HS6ST3: variants seen among roughly 807,000 people sequenced by gnomAD.
HS6ST3 encodes the protein heparan sulfate 6-O-sulfotransferase 3, also known as heparan-sulfate 6-O-sulfotransferase 3.
Under a neutral mutation model 36.7 loss-of-function variants are expected in HS6ST3, and 12 were observed. The ratio of observed to expected loss-of-function variants is 0.33; its 90% CI spans 0.21 to 0.53. HS6ST3 has a LOEUF of 0.53. Ranked by LOEUF, HS6ST3 falls within the 20% of genes least tolerant of loss-of-function variation. The probability of loss-of-function intolerance (pLI) is 0.95; values close to 1 mark genes in which losing one functional copy is unlikely to be tolerated. For missense variants in HS6ST3, 584 were observed against 640.9 expected, an observed-to-expected ratio of 0.91 and a Z score of 0.96; for synonymous variants, 240 against 257.5, an observed-to-expected ratio of 0.93 and a Z score of 0.65.
chr13:96,660,769 A>G (rs562630951), intron 1 of HS6ST3, among the ~76,000 whole-genome samples: 1 of 152,158 alleles, frequency 6.6e-6, no homozygotes, highest in Non-Finnish European at 1.5e-5. Context: ...AAGGATGCAA[A>G]GTATTGTTTC....
chr13:96,318,499 C>T (rs758188859), intron 1 of HS6ST3, among the ~76,000 whole-genome samples: 6 of 152,080 alleles, frequency 3.9e-5, no homozygotes, highest in South Asian at 4.2e-4. Flanking sequence ...TGCCATTGCA[C>T]GCTAGCCCAG....
intron 1 of HS6ST3, among the ~76,000 whole-genome samples, chr13:96,428,758 G>T (rs2055599746): frequency 6.6e-6 from 1 of 151,858 alleles, no homozygotes; most frequent in Admixed American, 6.6e-5. Context: ...ACAGGCAAAA[G>T]ATTTAACCAG....
At chr13:96,338,759 G>C (rs1293567263) in intron 1 of HS6ST3, among the ~76,000 whole-genome samples, 2 of 151,998 alleles carry the variant, frequency 1.3e-5, no homozygotes, top group African/African-American at 4.8e-5. Context: ...CTTTATAGTT[G>C]TAGGGCTTCA....
intron 1 of HS6ST3, among the ~76,000 whole-genome samples, chr13:96,125,742 TTTC>T (rs2053947375): frequency 6.6e-6 from 1 of 151,922 alleles, no homozygotes; most frequent in Non-Finnish European, 1.5e-5. Flanking sequence ...AATGATGACA[TTTC>T]TTATTTCTTT....
At chr13:96,185,546 A>C (rs949995562) in intron 1 of HS6ST3, among the ~76,000 whole-genome samples, 9 of 152,192 alleles carry the variant, frequency 5.9e-5, no homozygotes, top group Non-Finnish European at 1.2e-4. Context: ...GACCATTTCA[A>C]ACATTCTGAA....
At chr13:96,193,282 C>G (rs144651096) in intron 1 of HS6ST3, among the ~76,000 whole-genome samples, 4 of 152,130 alleles carry the variant, frequency 2.6e-5, no homozygotes, top group African/African-American at 9.7e-5. Flanking sequence ...TTCTCAAAGC[C>G]GAACGAAATA....
intron 1 of HS6ST3, among the ~76,000 whole-genome samples, chr13:96,800,456 A>G (rs1366815014): frequency 6.6e-6 from 1 of 152,112 alleles, no homozygotes; most frequent in Non-Finnish European, 1.5e-5. Flanking sequence ...CTGAACAATT[A>G]GAGTATTCTC....
At chr13:96,398,652 T>C (rs1410266) in intron 1 of HS6ST3, among the ~76,000 whole-genome samples, 77,133 of 152,012 alleles carry the variant, frequency 0.51, 19,912 homozygotes, top group Middle Eastern at 0.6. Flanking sequence ...TTACCTTTCA[T>C]ATTGTGGGAA....
chr13:96,177,629 C>A (rs1404614973), intron 1 of HS6ST3, among the ~76,000 whole-genome samples: 1 of 151,060 alleles, frequency 6.6e-6, no homozygotes, highest in Admixed American at 6.6e-5. Flanking sequence ...ATATGGGGGT[C>A]TTGTTTTGTA....
intron 1 of HS6ST3, among the ~76,000 whole-genome samples, chr13:96,661,028 G>A (rs370949676): frequency 7.9e-5 from 12 of 152,244 alleles, no homozygotes; most frequent in African/African-American, 1.2e-4. Flanking sequence ...TTCTGGGCTC[G>A]TGGACTTATA....
chr13:96,830,669 A>G (rs1215862811), intron 1 of HS6ST3, among the ~76,000 whole-genome samples: 1 of 152,204 alleles, frequency 6.6e-6, no homozygotes, highest in East Asian at 1.9e-4. Flanking sequence ...GCTAGGTCAC[A>G]TTGAAGCCTA....
chr13:96,371,896 G>A (rs1925100), intron 1 of HS6ST3, among the ~76,000 whole-genome samples: 61,438 of 151,910 alleles, frequency 0.4, 12,996 homozygotes, highest in African/African-American at 0.52. Flanking sequence ...GTTCGTGGAC[G>A]CTTAGGTTGT....
In HS6ST3 at chr13:96,812,143, A is replaced by G. The variant is rs977141453; in HGVS notation, c.708-20347A>G. Among the ~76,000 whole-genome samples the G allele has an allele frequency of 2.6e-5, 4 of 152,164 alleles. No individual in the cohort carries two copies. In the East Asian group the frequency reaches 7.7e-4, roughly 29 times the overall value. ...TCAGCCCCTTTTCCTCCATTGCCTCAATCTGCCACCCACACAAGATGTTTG... is the reference window on the plus strand; with the variant it reads ...TCAGCCCCTTTTCCTCCATTGCCTCGATCTGCCACCCACACAAGATGTTTG... On this transcript the variant is annotated intron_variant, in intron 1 of 1. Coordinates refer to ENST00000376705, the MANE Select transcript of HS6ST3 (RefSeq NM_153456.4).
intron 1 of HS6ST3, among the ~76,000 whole-genome samples, chr13:96,198,213 G>A (rs1407580603): frequency 6.6e-6 from 1 of 152,186 alleles, no homozygotes; most frequent in Non-Finnish European, 1.5e-5. Flanking sequence ...CAAGTGCCTG[G>A]GCTGTACATA....
At chr13:96,432,340 T>C (rs1455227212) in intron 1 of HS6ST3, among the ~76,000 whole-genome samples, 1 of 152,224 alleles carries the variant, frequency 6.6e-6, no homozygotes, top group Non-Finnish European at 1.5e-5. Context: ...TATAGTGTTA[T>C]ATTTAATGGT....
chr13:96,544,188 T>A (rs922797715), intron 1 of HS6ST3, among the ~76,000 whole-genome samples: 1 of 152,186 alleles, frequency 6.6e-6, no homozygotes, highest in Non-Finnish European at 1.5e-5. Flanking sequence ...ATATTCTCAC[T>A]GATAAACTCA....
chr13:96,448,969 G>T (rs1188017988), intron 1 of HS6ST3, among the ~76,000 whole-genome samples: 1 of 151,964 alleles, frequency 6.6e-6, no homozygotes, highest in East Asian at 1.9e-4. Flanking sequence ...TAATCTAGAA[G>T]TCTTTTCTTT....
At chr13:96,742,036 T>G (rs1475788932) in intron 1 of HS6ST3, among the ~76,000 whole-genome samples, 2 of 152,148 alleles carry the variant, frequency 1.3e-5, no homozygotes, top group Non-Finnish European at 1.5e-5. Flanking sequence ...TCTTTAAAGT[T>G]ATATGAACAT....
intron 1 of HS6ST3, among the ~76,000 whole-genome samples, chr13:96,395,632 G>A (rs2055417177): frequency 6.6e-6 from 1 of 152,188 alleles, no homozygotes; most frequent in South Asian, 2.1e-4. Context: ...TCTCATTGCT[G>A]TCCTATCATT....
Sources: gnomAD v4.1 joint callset for allele counts (sites outside exome capture counted in the v4.1 genomes callset) on GRCh38, gnomAD v4.1.1 for gene constraint, MANE v1.5 for transcripts, NCBI Gene and HGNC (gene_info 2026-07-23, HGNC 2026-07-21) for gene names.